NEK10: variants seen among roughly 807,000 people sequenced by gnomAD.
NEK10 encodes the protein NIMA related kinase 10, also known as serine/threonine-protein kinase Nek10.
In NEK10, 122 loss-of-function variants were observed where a neutral mutation model predicts 159.8. The ratio of observed to expected loss-of-function variants is 0.76; its 90% CI spans 0.66 to 0.89. The LOEUF (loss-of-function observed/expected upper bound fraction) is 0.89, where lower values mean the gene tolerates loss of function less well. Among genes scored for constraint, NEK10 ranks in the 40% least tolerant of loss-of-function variants. The pLI is 0.00. For synonymous variants in NEK10, 466 were observed against 457.1 expected, an observed-to-expected ratio of 1.02 and a Z score of -0.25; for missense variants, 1,342 against 1,323.1, an observed-to-expected ratio of 1.01 and a Z score of -0.22.
At chr3:27,278,059 G>A (rs979255479) in intron 22 of NEK10, among the ~76,000 whole-genome samples, 6 of 152,192 alleles carry the variant, frequency 3.9e-5, no homozygotes, top group African/African-American at 1.2e-4. Context: ...TATGGTCTTT[G>A]TCATGTATTC....
chr3:27,254,300 C>A (rs746116508), intron 23 of NEK10, among the ~76,000 whole-genome samples: 3 of 152,102 alleles, frequency 2.0e-5, no homozygotes, highest in Non-Finnish European at 2.9e-5. Context: ...AGATTGGACA[C>A]CCCTGCTTTA....
At chr3:27,231,276 A>C (rs1185471996) in intron 23 of NEK10, among the ~76,000 whole-genome samples, 1 of 152,022 alleles carries the variant, frequency 6.6e-6, no homozygotes, top group African/African-American at 2.4e-5. Flanking sequence ...TCAATATGAA[A>C]ATTTAAAAAT....
At chr3:27,268,752 T>C (rs779799473) in intron 22 of NEK10, among the ~76,000 whole-genome samples, 2 of 152,218 alleles carry the variant, frequency 1.3e-5, no homozygotes, top group Non-Finnish European at 2.9e-5. Context: ...CTGTAGTCCA[T>C]AGATCAAGGA....
intron 32 of NEK10, among the ~76,000 whole-genome samples, chr3:27,123,717 A>C (rs1941597824): frequency 6.6e-6 from 1 of 152,170 alleles, no homozygotes; most frequent in Non-Finnish European, 1.5e-5. Context: ...AGGAGGTAGC[A>C]GATAGATTTG....
At chr3:27,300,569 G>A (rs929654770) in intron 13 of NEK10, among the ~76,000 whole-genome samples, 4 of 152,152 alleles carry the variant, frequency 2.6e-5, no homozygotes, top group Non-Finnish European at 5.9e-5. Flanking sequence ...TATGTGCCCT[G>A]TAACCATCCT....
intron 25 of NEK10, among the ~76,000 whole-genome samples, chr3:27,199,439 T>C (rs945323117): frequency 3.3e-5 from 5 of 152,152 alleles, no homozygotes; most frequent in Non-Finnish European, 5.9e-5. Context: ...ATGGCTATTA[T>C]TAAAAAGTCA....
chr3:27,286,702 T>C (rs2042644270), intron 20 of NEK10, among the ~76,000 whole-genome samples: 1 of 152,082 alleles, frequency 6.6e-6, no homozygotes, highest in South Asian at 2.1e-4. Context: ...CATTTCCAGT[T>C]CTTTTTGGAA....
intron 22 of NEK10, 118 bp from the exon 23 acceptor site, chr3:27,256,489 T>A (rs1956190081): frequency 4.6e-6 from 2 of 439,460 alleles, no homozygotes; most frequent in Non-Finnish European, 7.9e-6. Flanking sequence ...GCTTTTCTTT[T>A]CTTAATGCTA....
At chr3:27,291,230 GT>G (rs1342307639) in intron 18 of NEK10, 31 bp downstream of exon 18, 2 of 1,599,634 alleles carry the variant, frequency 1.3e-6, no homozygotes, top group Admixed American at 3.5e-5. Context: ...TTGGTTGGGA[GT>G]ATCAGAAATG....
At chr3:27,116,187 T>C in intron 33 of NEK10, 60 bp from the exon 34 acceptor site, 7 of 1,479,634 alleles carry the variant, frequency 4.7e-6, no homozygotes, top group Non-Finnish European at 4.7e-6. Context: ...TAGTTATTCT[T>C]TACTGGCAAT....
Position 27,259,746 on chromosome 3 carries a change from T to C in NEK10, c.2015-3375A>G, listed in dbSNP as rs186207056. On this transcript the variant is annotated intron_variant, in intron 22 of 35. Coordinates refer to ENST00000691995, the MANE Select transcript of NEK10 (RefSeq NM_001394966.1). ...TGAACTTTAAAGTAGTTTTTTCCAA[T>C]TGTGTGAAGAAAATCATTGGTAGCT... Among the ~76,000 whole-genome samples, 43 of 152,304 alleles carry C rather than the reference T, an allele frequency of 2.8e-4. No individual in the cohort carries two copies. In the East Asian group the frequency reaches 7.9e-3, roughly 28 times the overall value.
intron 1 of NEK10, among the ~76,000 whole-genome samples, chr3:27,361,017 C>A (rs997292344): frequency 1.3e-5 from 2 of 152,176 alleles, no homozygotes; most frequent in African/African-American, 4.8e-5. Flanking sequence ...TACTGACCAC[C>A]TGCTATGATG....
intron 26 of NEK10, among the ~76,000 whole-genome samples, chr3:27,185,721 C>A (rs1948553825): frequency 6.6e-6 from 1 of 152,194 alleles, no homozygotes; most frequent in Non-Finnish European, 1.5e-5. Flanking sequence ...ATCAGCATCC[C>A]TGGCTGCTAA....
rs1317392587 is a variant in NEK10 at position 27,352,498 on chromosome 3, C to A, written c.99G>T (p.Arg33=). 1.2e-6 allele frequency: 2 copies of A among 1,611,298 alleles called. No homozygotes were observed. The highest frequency in any genetic ancestry group is 1.7e-6 in the Non-Finnish European group (2 of 1,177,664). Residue 33 remains arginine (R), a synonymous_variant, in exon 3 of 36, where the codon CGG becomes CGT. Coordinates refer to ENST00000691995, the MANE Select transcript of NEK10 (RefSeq NM_001394966.1). ...TGCTTGATTGGACGTTCAAAAGGCA[C>A]CGAAGTCTTTTAAGATCTGAATAGT... ...IRDYSDLKRL[R]CLLNVQSSKQ...
At chr3:27,196,065 A>G (rs1288089509) in intron 25 of NEK10, among the ~76,000 whole-genome samples, 3 of 152,170 alleles carry the variant, frequency 2.0e-5, no homozygotes, top group African/African-American at 7.2e-5. Flanking sequence ...GTAGAAATGG[A>G]ATCCACAGGC....
chr3:27,141,601 GTAGT>G lies in NEK10; in HGVS notation c.2870-23_2870-20del, dbSNP rs904931844. 3.8e-6 allele frequency: 6 copies of G among 1,584,884 alleles called. No homozygotes were observed. The highest frequency in any genetic ancestry group is 5.2e-6 in the Non-Finnish European group (6 of 1,159,474). ...GCTGATGCTGTGGGTGATAAATTTT[GTAGT>G]TAGTCAAGTTCTCTTTCAAAAGTTA... On this transcript the variant is annotated intron_variant, in intron 30 of 35. Transcript: ENST00000691995.
At chr3:27,361,847 C>T (rs1428599774) in intron 1 of NEK10, among the ~76,000 whole-genome samples, 2 of 151,836 alleles carry the variant, frequency 1.3e-5, no homozygotes, top group Non-Finnish European at 2.9e-5. Flanking sequence ...ATTTCAAGTG[C>T]ATTTTATTAT....
At chr3:27,213,724 T>C (rs1951228094) in intron 23 of NEK10, among the ~76,000 whole-genome samples, 1 of 152,152 alleles carries the variant, frequency 6.6e-6, no homozygotes, top group Non-Finnish European at 1.5e-5. Context: ...CTGATCTTTG[T>C]AGGAATAAGA....
chr3:27,317,959 C>A lies in NEK10; in HGVS notation c.448-3621G>T, dbSNP rs563336105. ...CTGGGACTACAGGCGCCCGCCACCA[C>A]GCCCGGCTAATTTTTTCTATTTTTT... On this transcript the variant is annotated intron_variant, in intron 6 of 35. Transcript: ENST00000691995. Among the ~76,000 whole-genome samples the A allele has an allele frequency of 2.3e-3, 355 of 152,240 alleles. 2 individuals are homozygous for A. The highest frequency in any genetic ancestry group is 0.01 in the Middle Eastern group (3 of 294).
Sources: allele counts gnomAD v4.1 joint callset (sites outside exome capture counted in the v4.1 genomes callset), GRCh38; gene constraint gnomAD v4.1.1; transcripts MANE v1.5; gene names NCBI Gene and HGNC (gene_info 2026-07-23, HGNC 2026-07-21).